The following GPR137C variants were observed in gnomAD, a reference collection of about 807,000 sequenced individuals.
The protein encoded by GPR137C is G protein-coupled receptor 137C, also known as integral membrane protein GPR137C.
A neutral mutation model predicts 43.4 loss-of-function variants in GPR137C; 27 were observed. The observed-to-expected ratio is 0.62, with a 90% CI of 0.46 to 0.86. The LOEUF is 0.86. GPR137C is among the 40% of genes least tolerant of loss of function. The pLI is 0.00. For missense variants in GPR137C, 522 were observed against 534.6 expected (o/e 0.98, Z 0.23); for synonymous variants, 285 against 226.9 (o/e 1.26, Z -2.30).
At chr14:52,556,445 T>C (rs2038195691) in intron 1 of GPR137C, among the ~76,000 whole-genome samples, 1 of 149,780 alleles carries the variant, frequency 6.7e-6, no homozygotes, top group South Asian at 2.1e-4. Flanking sequence ...TGAGGGAAAG[T>C]AGCCCTTTCT....
At chr14:52,582,982 G>A (rs760982664) in intron 1 of GPR137C, among the ~76,000 whole-genome samples, 18 of 151,878 alleles carry the variant, frequency 1.2e-4, no homozygotes, top group Non-Finnish European at 2.1e-4. Flanking sequence ...TGGGATAAAA[G>A]TAGATTATGT....
chr14:52,572,743 C>T (rs2038491334), intron 1 of GPR137C, among the ~76,000 whole-genome samples: 1 of 152,100 alleles, frequency 6.6e-6, no homozygotes, highest in Admixed American at 6.6e-5. Context: ...GAAGTTCTGG[C>T]CAGGACAATC....
Position 52,625,532 on chromosome 14 carries a change from C to CTTT in GPR137C, c.718-6590_718-6588dup, listed in dbSNP as rs770278309. ...GAAAATAGAGGAGGGAAGAACACAT[C>CTTT]TTTTTTTTTTTTTTTTTTTTTTTTT... On this transcript the variant is annotated intron_variant, in intron 3 of 6. Transcript: ENST00000321662. Among the ~76,000 whole-genome samples the CTTT allele has an allele frequency of 5.8e-4, 21 of 36,080 alleles. 4 individuals carry two copies. The highest frequency in any genetic ancestry group is 8.5e-4 in the Non-Finnish European group (17 of 19,936). The allele number at this position is 36,080 out of a possible 152,430, so 23.7% of individuals were successfully genotyped here.
intron 1 of GPR137C, among the ~76,000 whole-genome samples, chr14:52,571,943 C>T (rs2038477597): frequency 6.6e-6 from 1 of 152,144 alleles, no homozygotes; most frequent in Non-Finnish European, 1.5e-5. Flanking sequence ...GAAATACTGA[C>T]TGCCATCAGA....
chr14:52,592,763 C>G (rs1447599578), intron 1 of GPR137C, among the ~76,000 whole-genome samples: 1 of 152,192 alleles, frequency 6.6e-6, no homozygotes, highest in African/African-American at 2.4e-5. Context: ...AATATACAAT[C>G]ATGTCATCTG....
rs571462254 is a variant in GPR137C at position 52,580,602 on chromosome 14, G to A, written c.445-17670G>A. ...TGGTCTCGAACTTCTGAGCTCAGGC[G>A]ATCCACCCACCTCGGCCTCCCAAAG... is the stretch of plus-strand genomic sequence containing the variant. On this transcript the variant is annotated intron_variant, in intron 1 of 6. Coordinates refer to ENST00000321662, the MANE Select transcript of GPR137C (RefSeq NM_001099652.2). Among the ~76,000 whole-genome samples, 34 of 151,890 alleles carry A rather than the reference G, an allele frequency of 2.2e-4. No individual in the cohort carries two copies. The South Asian group carries it at 7.1e-3, about 32-fold the overall frequency.
chr14:52,609,401 G>A (rs1188028752), intron 3 of GPR137C, among the ~76,000 whole-genome samples: 1 of 152,114 alleles, frequency 6.6e-6, no homozygotes, highest in Non-Finnish European at 1.5e-5. Flanking sequence ...TCACTTTGGG[G>A]TAAGTGGCAC....
intron 3 of GPR137C, among the ~76,000 whole-genome samples, chr14:52,604,738 G>A (rs1024518643): frequency 2.5e-4 from 38 of 152,068 alleles, no homozygotes; most frequent in African/African-American, 8.7e-4. Context: ...ATGAGCCATC[G>A]CGCACAGCCA....
In GPR137C at chr14:52,564,274, C is replaced by CAAAAA. The variant is rs34302766; in HGVS notation, c.444+10697_444+10701dup. Among the ~76,000 whole-genome samples, 121 of 93,180 alleles carry CAAAAA rather than the reference C, an allele frequency of 1.3e-3. 5 individuals carry two copies. The highest frequency in any genetic ancestry group is 4.7e-3 in the African/African-American group (115 of 24,692). 61.1% of individuals were successfully genotyped at this position (93,180 alleles called of 152,430 possible). A position where few individuals can be genotyped will look rare whatever the true frequency, so the allele number is the denominator to read the frequency against. On this transcript the variant is annotated intron_variant, in intron 1 of 6. Coordinates refer to ENST00000321662, the MANE Select transcript of GPR137C (RefSeq NM_001099652.2). ...TGGGCAACAGAGTGAGACTTCGTCT[C>CAAAAA]AAAAAAAAAAAAAAAAAAGCCCCAC...
chr14:52,589,927 A>G (rs1321459299), intron 1 of GPR137C, among the ~76,000 whole-genome samples: 1 of 152,204 alleles, frequency 6.6e-6, no homozygotes, highest in East Asian at 1.9e-4. Flanking sequence ...ACACTGGATA[A>G]TAAATGATTA....
At chr14:52,611,438 C>T (rs1396925915) in intron 3 of GPR137C, 2 of 208,038 alleles carry the variant, frequency 9.6e-6, no homozygotes, top group African/African-American at 4.7e-5. Context: ...TACAGTTTTC[C>T]TTTTCTATTT....
chr14:52,610,257 A>G (rs1052878478), intron 3 of GPR137C, among the ~76,000 whole-genome samples: 4 of 152,334 alleles, frequency 2.6e-5, no homozygotes, highest in Non-Finnish European at 4.4e-5. Flanking sequence ...CTGCTAAAGT[A>G]TAAACCAGGA....
At chr14:52,610,099 T>A (rs983528346) in intron 3 of GPR137C, among the ~76,000 whole-genome samples, 7 of 152,226 alleles carry the variant, frequency 4.6e-5, no homozygotes, top group South Asian at 2.1e-4. Flanking sequence ...TCAGTCGCTT[T>A]TTCAAAGTTG....
chr14:52,568,721 A>G (rs912736811), intron 1 of GPR137C, among the ~76,000 whole-genome samples: 42 of 152,340 alleles, frequency 2.8e-4, no homozygotes, highest in Non-Finnish European at 4.1e-4. Flanking sequence ...AGCAAAGCCA[A>G]TGTAGCCAGA....
intron 1 of GPR137C, among the ~76,000 whole-genome samples, chr14:52,574,852 C>T (rs1320153824): frequency 6.6e-6 from 1 of 152,160 alleles, no homozygotes; most frequent in Non-Finnish European, 1.5e-5. Context: ...GGTGCTGCCT[C>T]TGTCTTTACA....
At chr14:52,622,363 C>T (rs926691360) in intron 3 of GPR137C, among the ~76,000 whole-genome samples, 4 of 151,946 alleles carry the variant, frequency 2.6e-5, no homozygotes, top group Non-Finnish European at 5.9e-5. Context: ...GGTCCTAGAT[C>T]TTCAAAATGT....
intron 1 of GPR137C, 69 bp downstream of exon 1, chr14:52,553,660 A>T: frequency 2.8e-6 from 2 of 716,582 alleles, no homozygotes; most frequent in Non-Finnish European, 4.3e-6. Flanking sequence ...ACTCCCGCTG[A>T]GGACCAGCGG....
intron 1 of GPR137C, among the ~76,000 whole-genome samples, chr14:52,569,225 C>G (rs1391804811): frequency 1.3e-5 from 2 of 152,134 alleles, no homozygotes; most frequent in African/African-American, 4.8e-5. Context: ...AACTAACAAA[C>G]AGAAAGGAAT....
intron 1 of GPR137C, among the ~76,000 whole-genome samples, chr14:52,555,496 C>A (rs1398733885): frequency 6.6e-6 from 1 of 152,010 alleles, no homozygotes; most frequent in Non-Finnish European, 1.5e-5. Context: ...TAAACACTAT[C>A]CAAAAAAGGA....
Sources: allele counts gnomAD v4.1 joint callset (sites outside exome capture counted in the v4.1 genomes callset), GRCh38; gene constraint gnomAD v4.1.1; transcripts MANE v1.5; gene names NCBI Gene and HGNC (gene_info 2026-07-23, HGNC 2026-07-21).